DLEC1: variants seen among roughly 807,000 people sequenced by gnomAD.
The protein encoded by DLEC1 is deleted in lung and esophageal cancer protein 1.
A neutral mutation model predicts 198.1 loss-of-function variants in DLEC1; 146 were observed. The observed-to-expected ratio is 0.74, with a 90% confidence interval of 0.64 to 0.85. The LOEUF (loss-of-function observed/expected upper bound fraction) is 0.85, where lower values mean the gene tolerates loss of function less well. Ranked by LOEUF, DLEC1 falls within the 40% of genes least tolerant of loss-of-function variation. The pLI is 0.00. For synonymous variants in DLEC1, 897 were observed against 866.8 expected, an observed-to-expected ratio of 1.03 and a Z score of -0.61; for missense variants, 2,233 against 2,220.0, an observed-to-expected ratio of 1.01 and a Z score of -0.12.
chr3:38,079,453 A>G (rs987243264), intron 6 of DLEC1, among the ~76,000 whole-genome samples: 1 of 152,058 alleles, frequency 6.6e-6, no homozygotes, highest in Non-Finnish European at 1.5e-5. Flanking sequence ...AAGGGGACAG[A>G]CTTACCTTCC....
chr3:38,097,876 G>A lies in DLEC1; in HGVS notation c.2698G>A (p.Val900Ile). The change falls in exon 18 of 37, where the codon GTC (valine) becomes ATC (isoleucine). Residue 900 changes from valine to isoleucine, a missense_variant. Coordinates refer to ENST00000308059, the MANE Select transcript of DLEC1 (RefSeq NM_007335.4). ...PATWRMKESP[V>I]SLQERPEDVS... ...CACATGGCGCATGAAGGAGAGCCCA[G>A]TCTCCCTCCAGGAAAGGCCTGAGGA... The A allele has an allele frequency of 1.9e-6, 3 of 1,614,224 alleles. No individual in the cohort carries two copies. Among genetic ancestry groups the A allele is most frequent in the African/African-American group, 1.3e-5 (1 of 75,062 alleles).
rs770452395 is a variant in DLEC1 at position 38,122,304 on chromosome 3, C to T, written c.5160C>T (p.Tyr1720=). ...VFFTARSSEL[Y]ESTMVVEGVL... ...CTCCCCACAGGAGTAGTGAGCTGTA[C>T]GAGTCCACGATGGTGGTGGAAGGTG... is the stretch of plus-strand genomic sequence containing the variant. The change falls in exon 37 of 37, where the codon TAC becomes TAT. Residue 1720 remains tyrosine, a synonymous_variant. Transcript: ENST00000308059. The T allele has an allele frequency of 7.4e-6, 12 of 1,613,086 alleles. No homozygotes were observed. Among genetic ancestry groups the T allele is most frequent in the South Asian group, 4.4e-5 (4 of 90,952 alleles).
In DLEC1 at chr3:38,123,105, G is replaced by A. The variant is rs1195598671; in HGVS notation, c.*693G>A. ...TCCCATTCCAGTCCCGATGCACATG[G>A]ACACCACTCCGTATGCCCTGTGAAA... On this transcript the variant is annotated 3_prime_UTR_variant, in exon 37 of 37. Coordinates refer to ENST00000308059, the MANE Select transcript of DLEC1 (RefSeq NM_007335.4). The A allele has an allele frequency of 2.5e-6, 4 of 1,614,170 alleles. No homozygotes were observed. Among genetic ancestry groups the A allele is most frequent in the Non-Finnish European group, 3.4e-6 (4 of 1,180,036 alleles).
In DLEC1 at chr3:38,088,286, T is replaced by A; in HGVS notation, c.1573-10T>A. ...CTTCCACACTGTTGGGTAATCTGCT[T>A]TTCTTTAAGGCCATTGCAACCGTCG... On this transcript the variant is annotated splice_polypyrimidine_tract_variant and intron_variant, in intron 9 of 36. Coordinates refer to ENST00000308059, the MANE Select transcript of DLEC1 (RefSeq NM_007335.4). The A allele has an allele frequency of 6.2e-7, 1 of 1,613,112 alleles. No individual in the cohort carries two copies. Among genetic ancestry groups the A allele is most frequent in the South Asian group, 1.1e-5 (1 of 91,042 alleles).
At chr3:38,081,979 GA>G (rs1698054849) in intron 6 of DLEC1, among the ~76,000 whole-genome samples, 1 of 137,522 alleles carries the variant, frequency 7.3e-6, no homozygotes, top group African/African-American at 2.7e-5. Context: ...GCCGGGCGGA[GA>G]GGCTCCTCAC....
chr3:38,087,788 A>G (rs1447669823), intron 9 of DLEC1, among the ~76,000 whole-genome samples: 20 of 152,256 alleles, frequency 1.3e-4, no homozygotes, highest in Admixed American at 1.3e-3. Flanking sequence ...TGTCCCTGGC[A>G]TGCTAAGTGA....
At chr3:38,092,918 G>T in intron 11 of DLEC1, 38 bp downstream of exon 11, 1 of 1,597,632 alleles carries the variant, frequency 6.3e-7, no homozygotes, top group East Asian at 2.2e-5. Flanking sequence ...AGGCTGGAGA[G>T]GCTGCCCCAG....
chr3:38,059,158 G>A (rs1284545315), intron 2 of DLEC1, among the ~76,000 whole-genome samples: 1 of 152,152 alleles, frequency 6.6e-6, no homozygotes, highest in Non-Finnish European at 1.5e-5. Flanking sequence ...GGCTGGACTG[G>A]CTCCAAGCTG....
intron 6 of DLEC1, among the ~76,000 whole-genome samples, chr3:38,078,001 G>A (rs887932462): frequency 7.2e-5 from 11 of 152,198 alleles, no homozygotes; most frequent in Admixed American, 1.3e-4. Context: ...GGTGTGTGGC[G>A]ATTAGGCCTG....
At chr3:38,039,695 C>T in intron 1 of DLEC1, 59 bp downstream of exon 1, 1 of 1,520,194 alleles carries the variant, frequency 6.6e-7, no homozygotes, top group South Asian at 1.3e-5. Context: ...GCTCGGCACG[C>T]GTCAGCACCT....
Position 38,111,848 on chromosome 3 carries a change from C to G in DLEC1, c.3514+101C>G, listed in dbSNP as rs905014012. On this transcript the variant is annotated intron_variant, in intron 24 of 36. Coordinates refer to ENST00000308059, the MANE Select transcript of DLEC1 (RefSeq NM_007335.4). The stretch of plus-strand genomic sequence containing the variant: ...AGCTGCCAGGGAGCGGGACCAGGAC[C>G]AGAGACTGCTCTCAGATGGCCAAGG... The G allele has an allele frequency of 9.7e-6, 13 of 1,341,602 alleles. No individual in the cohort carries two copies. The African/African-American group carries it at 1.9e-4, about 20-fold the overall frequency. The allele number at this position is 1,341,602 out of a possible 1,614,324, so 83.1% of individuals were successfully genotyped here.
intron 19 of DLEC1, among the ~76,000 whole-genome samples, chr3:38,104,521 CTAGGAATT>C (rs1286170192): frequency 1.3e-5 from 2 of 151,852 alleles, no homozygotes; most frequent in African/African-American, 4.8e-5. Context: ...TTGCATCACT[CTAGGAATT>C]TAGGAATTTG....
Position 38,100,332 on chromosome 3 carries a change from TGGGG to T in DLEC1, c.2773_2776del (p.Gly925SerfsTer92). On this transcript the variant is annotated frameshift_variant, in exon 19 of 37. Transcript: ENST00000308059. LOFTEE classifies it high-confidence loss of function. ...CCTTCGAGTGGCCAGCTTCACTCTC[TGGGG>T]GAGTGCAGGGTGGACATCACCTTGG... 6.2e-7 allele frequency: 1 copy of T among 1,613,834 alleles called. No homozygotes were observed.
At chr3:38,057,488 T>C (rs1490650317) in intron 2 of DLEC1, among the ~76,000 whole-genome samples, 1 of 142,860 alleles carries the variant, frequency 7.0e-6, no homozygotes, top group Non-Finnish European at 1.6e-5. Context: ...CGAGACTGTG[T>C]CTCAAAAAAA....
At chr3:38,121,033 C>G (rs1380385159) in intron 34 of DLEC1, among the ~76,000 whole-genome samples, 2 of 152,224 alleles carry the variant, frequency 1.3e-5, no homozygotes, top group Non-Finnish European at 2.9e-5. Context: ...ACCAGGTCAC[C>G]AGGCCGTAGT....
chr3:38,108,630 G>T (rs1406101895), intron 21 of DLEC1, 115 bp downstream of exon 21: 2 of 819,020 alleles, frequency 2.4e-6, no homozygotes, highest in African/African-American at 3.4e-5. Flanking sequence ...TGTGGGTGGG[G>T]AAGAGATTTC....
intron 6 of DLEC1, among the ~76,000 whole-genome samples, chr3:38,081,666 G>T (rs1323178724): frequency 3.7e-5 from 3 of 81,086 alleles, no homozygotes; most frequent in Non-Finnish European, 7.3e-5. Context: ...GGGTGGGGGG[G>T]CTGACCCCCC....
chr3:38,098,518 T>C (rs1038869099), intron 18 of DLEC1, among the ~76,000 whole-genome samples: 45 of 152,154 alleles, frequency 3.0e-4, no homozygotes, highest in Admixed American at 2.9e-3. Context: ...CAGTGAGTCG[T>C]ACATCACCGC....
chr3:38,059,805 CAGA>C lies in DLEC1; in HGVS notation c.630_632del (p.Glu210del), dbSNP rs770439676. 1.4e-5 allele frequency: 23 copies of C among 1,614,048 alleles called. No homozygotes were observed. Among genetic ancestry groups the C allele is most frequent in the African/African-American group, 8.0e-5 (6 of 74,912 alleles). ...CTACGGAAACATCATTTGATCTCCC[CAGA>C]AGATTACTACACCGATACAGTGCCG... On this transcript the variant is annotated inframe_deletion, in exon 3 of 37. Transcript: ENST00000308059.
Sources: allele counts gnomAD v4.1 joint callset (sites outside exome capture counted in the v4.1 genomes callset), GRCh38; gene constraint gnomAD v4.1.1; transcripts MANE v1.5; gene names NCBI Gene and HGNC (gene_info 2026-07-23, HGNC 2026-07-21).